The following MANEA variants were observed in gnomAD, a reference collection of about 807,000 sequenced individuals.
MANEA encodes the protein mannosidase endo-alpha, also known as glycoprotein endo-alpha-1,2-mannosidase.
A neutral mutation model predicts 36.8 loss-of-function variants in MANEA; 25 were observed. That is an observed-to-expected ratio of 0.68 (90% CI 0.50 to 0.95). MANEA has a LOEUF of 0.95. MANEA is among the 40% of genes least tolerant of loss of function. The pLI, the probability that MANEA is intolerant of heterozygous loss-of-function variation, is 0.00. For missense variants in MANEA, 565 were observed against 558.8 expected, an observed-to-expected ratio of 1.01 and a Z score of -0.11; for synonymous variants, 198 against 188.5, an observed-to-expected ratio of 1.05 and a Z score of -0.41.
At chr6:95,592,903 A>C (rs1487662084) in intron 2 of MANEA, among the ~76,000 whole-genome samples, 3 of 152,112 alleles carry the variant, frequency 2.0e-5, no homozygotes, top group South Asian at 2.1e-4. Context: ...CTGTTATCCT[A>C]TTTGAATGCA....
chr6:95,593,664 G>A (rs1277789677), intron 2 of MANEA, among the ~76,000 whole-genome samples: 3 of 152,120 alleles, frequency 2.0e-5, no homozygotes, highest in Non-Finnish European at 4.4e-5. Flanking sequence ...TGGTAGATAT[G>A]GGTATTATTT....
chr6:95,588,568 T>C (rs1769330222), intron 2 of MANEA, among the ~76,000 whole-genome samples: 1 of 152,086 alleles, frequency 6.6e-6, no homozygotes, highest in Admixed American at 6.5e-5. Context: ...GGGAGGAGAA[T>C]CTTTTCAAAT....
intron 3 of MANEA, among the ~76,000 whole-genome samples, chr6:95,604,041 T>C (rs2127945607): frequency 6.8e-6 from 1 of 146,166 alleles, no homozygotes; most frequent in African/African-American, 2.6e-5. Context: ...TGTATGTATG[T>C]GTGCGTATAT....
At chr6:95,598,575 T>C (rs1379826062) in intron 3 of MANEA, among the ~76,000 whole-genome samples, 1 of 152,166 alleles carries the variant, frequency 6.6e-6, no homozygotes, top group Non-Finnish European at 1.5e-5. Context: ...TTTTGTTTTT[T>C]GACATAAATC....
chr6:95,583,670 C>T (rs1769226380), intron 1 of MANEA, among the ~76,000 whole-genome samples: 2 of 152,038 alleles, frequency 1.3e-5, no homozygotes, highest in African/African-American at 2.4e-5. Flanking sequence ...AGCAGTTGCC[C>T]TTAGGCAGGG....
At chr6:95,581,726 T>G (rs1769186289) in intron 1 of MANEA, among the ~76,000 whole-genome samples, 1 of 152,230 alleles carries the variant, frequency 6.6e-6, no homozygotes, top group Non-Finnish European at 1.5e-5. Context: ...TGATCTTTCA[T>G]GAATCTCGCC....
chr6:95,596,829 C>A lies in MANEA; in HGVS notation c.637C>A (p.His213Asn), dbSNP rs1053276862. Residue 213 changes from histidine to asparagine, a missense_variant, in exon 3 of 5, where the codon CAT becomes AAT. His to Asn is a moderately conservative substitution (Grantham distance 68). Coordinates refer to ENST00000358812, the MANE Select transcript of MANEA (RefSeq NM_024641.4). ...GGTACCCACTATTTTGGATAAAGCT[C>A]ATAAATATAACCTAAAGGTATTTTA... ...NLVPTILDKA[H>N]KYNLKVTFHI... The A allele has an allele frequency of 6.5e-7, 1 of 1,547,322 alleles. No homozygotes were observed. Among genetic ancestry groups the A allele is most frequent in the Admixed American group, 1.7e-5 (1 of 59,870 alleles).
intron 3 of MANEA, among the ~76,000 whole-genome samples, chr6:95,601,715 G>GTTTTTTTTTTTTT (rs1769594423): frequency 1.4e-5 from 1 of 72,634 alleles, no homozygotes; most frequent in Non-Finnish European, 2.6e-5. Flanking sequence ...CAGATTCAGT[G>GTTTTTTTTTTTTT]ATTTTTTTTT....
chr6:95,590,529 ATAAAAG>A (rs1218444709), intron 2 of MANEA, among the ~76,000 whole-genome samples: 1 of 152,204 alleles, frequency 6.6e-6, no homozygotes, highest in Non-Finnish European at 1.5e-5. Flanking sequence ...AAATTTATAC[ATAAAAG>A]TAGAAGTCAC....
At chr6:95,580,329 A>G (rs1020251058) in intron 1 of MANEA, among the ~76,000 whole-genome samples, 3 of 152,196 alleles carry the variant, frequency 2.0e-5, no homozygotes, top group African/African-American at 7.2e-5. Flanking sequence ...AAGATATGTT[A>G]TGCTCTACTA....
rs1769766364 is a variant in MANEA, at chr6:95,608,814, T to C, written c.*2409T>C. On this transcript the variant is annotated 3_prime_UTR_variant, in exon 5 of 5. Transcript: ENST00000358812. ...ACATCCTCCTGTATACATTAAGTCA[T>C]CTCTAGATTATTTATAACACTTAAT... 6.6e-6 allele frequency: 1 copy of C among 151,786 alleles called. No homozygotes were observed. The highest frequency in any genetic ancestry group is 2.1e-4 in the South Asian group (1 of 4,832). 9.4% of individuals were successfully genotyped at this position (151,786 alleles called of 1,614,324 possible). A position where few individuals can be genotyped will look rare whatever the true frequency, so the allele number is the denominator to read the frequency against.
intron 1 of MANEA, among the ~76,000 whole-genome samples, chr6:95,584,842 A>G (rs1235402847): frequency 6.6e-6 from 1 of 152,134 alleles, no homozygotes; most frequent in African/African-American, 2.4e-5. Context: ...TATTTCTCAG[A>G]CTGGTTGACA....
At chr6:95,602,979 C>A (rs1442893163) in intron 3 of MANEA, among the ~76,000 whole-genome samples, 1 of 142,398 alleles carries the variant, frequency 7.0e-6, no homozygotes, top group Non-Finnish European at 1.5e-5. Context: ...GAGATTGCGC[C>A]ACTGCAGTCC....
intron 2 of MANEA, chr6:95,590,284 T>C (rs1769364135): frequency 6.6e-6 from 1 of 152,222 alleles, no homozygotes; most frequent in South Asian, 2.1e-4. Flanking sequence ...TTTAAAATTA[T>C]CTTCCCATTG....
rs1769529383 is a variant in MANEA, at chr6:95,598,615, C to T, written c.654+1769C>T. ...CAATGACGTGTTAATACTTCTGTCC[C>T]ATTCTGTTGTTTTATCTACGGATAA... On this transcript the variant is annotated intron_variant, in intron 3 of 4. Coordinates refer to ENST00000358812, the MANE Select transcript of MANEA (RefSeq NM_024641.4). Among the ~76,000 whole-genome samples, 4 of 152,110 alleles carry T rather than the reference C, an allele frequency of 2.6e-5. No homozygotes were observed. The South Asian group carries it at 8.3e-4, about 32-fold the overall frequency.
At chr6:95,598,721 T>C (rs909241066) in intron 3 of MANEA, among the ~76,000 whole-genome samples, 3 of 152,110 alleles carry the variant, frequency 2.0e-5, no homozygotes, top group Non-Finnish European at 4.4e-5. Flanking sequence ...TCTTGAAGAA[T>C]GGCAACCACA....
chr6:95,600,084 A>G (rs1769560253), intron 3 of MANEA, among the ~76,000 whole-genome samples: 1 of 152,180 alleles, frequency 6.6e-6, no homozygotes, highest in African/African-American at 2.4e-5. Context: ...TGAAAATGTT[A>G]TGATATATGA....
At chr6:95,583,813 ATTC>A (rs892112447) in intron 1 of MANEA, among the ~76,000 whole-genome samples, 1 of 152,144 alleles carries the variant, frequency 6.6e-6, no homozygotes, top group Non-Finnish European at 1.5e-5. Context: ...CTTTTATGTT[ATTC>A]TTTATATTAT....
At chr6:95,589,318 T>G (rs1769341702) in intron 2 of MANEA, among the ~76,000 whole-genome samples, 2 of 152,246 alleles carry the variant, frequency 1.3e-5, no homozygotes, top group South Asian at 4.1e-4. Context: ...GTTGTATGGT[T>G]GACTGTGCTT....
Sources: gnomAD v4.1 joint callset for allele counts (sites outside exome capture counted in the v4.1 genomes callset) on GRCh38, gnomAD v4.1.1 for gene constraint, MANE v1.5 for transcripts, NCBI Gene and HGNC (gene_info 2026-07-23, HGNC 2026-07-21) for gene names.